The following CCDC91 variants were observed in gnomAD, a reference collection of about 807,000 sequenced individuals.
The protein encoded by CCDC91 is coiled-coil domain-containing protein 91.
A neutral mutation model predicts 63.2 loss-of-function variants in CCDC91; 48 were observed. The observed-to-expected ratio is 0.76, with a 90% confidence interval of 0.60 to 0.97. CCDC91 has a LOEUF of 0.97. Among genes scored for constraint, CCDC91 ranks in the 50% least tolerant of loss-of-function variants. The pLI is 0.00. For synonymous variants in CCDC91, 167 were observed against 165.8 expected, an observed-to-expected ratio of 1.01 and a Z score of -0.06; for missense variants, 500 against 494.6, an observed-to-expected ratio of 1.01 and a Z score of -0.10.
intron 6 of CCDC91, among the ~76,000 whole-genome samples, chr12:28,326,966 C>G (rs1294626862): frequency 6.6e-6 from 1 of 151,862 alleles, no homozygotes; most frequent in Admixed American, 6.6e-5. Context: ...TCATGAGAGC[C>G]GAAAGTCACA....
At chr12:28,284,281 G>T (rs1000351346) in intron 3 of CCDC91, among the ~76,000 whole-genome samples, 10 of 152,060 alleles carry the variant, frequency 6.6e-5, no homozygotes, top group Non-Finnish European at 1.0e-4. Context: ...TGCAAATTAG[G>T]CTTTCTGGAC....
intron 7 of CCDC91, among the ~76,000 whole-genome samples, chr12:28,380,318 T>TATA (rs1049389564): frequency 6.6e-6 from 1 of 152,038 alleles, no homozygotes; most frequent in African/African-American, 2.4e-5. Flanking sequence ...GAACTTAAAG[T>TATA]ATAATAATAA....
chr12:28,280,918 A>T (rs907912158), intron 3 of CCDC91, among the ~76,000 whole-genome samples: 2 of 151,788 alleles, frequency 1.3e-5, no homozygotes, highest in Non-Finnish European at 2.9e-5. Context: ...TGGAGACTGC[A>T]GTCAGCCATG....
intron 7 of CCDC91, 133 bp from the exon 8 acceptor site, chr12:28,391,171 T>A (rs1945916286): frequency 1.9e-6 from 1 of 533,896 alleles, no homozygotes; most frequent in Admixed American, 3.5e-5. Context: ...TGCTTCAGTA[T>A]TAACAAATAC....
intron 8 of CCDC91, among the ~76,000 whole-genome samples, chr12:28,434,820 G>A (rs1231343989): frequency 6.6e-6 from 1 of 151,202 alleles, no homozygotes; most frequent in Non-Finnish European, 1.5e-5. Flanking sequence ...ATAAGTATAG[G>A]CCTGTCCATG....
At chr12:28,264,490 T>A (rs984233066) in intron 3 of CCDC91, among the ~76,000 whole-genome samples, 1 of 151,356 alleles carries the variant, frequency 6.6e-6, no homozygotes, top group Non-Finnish European at 1.5e-5. Flanking sequence ...CAGAGACTTT[T>A]CAAAATGAAT....
chr12:28,377,759 T>C (rs1388666006), intron 7 of CCDC91, among the ~76,000 whole-genome samples: 2 of 151,976 alleles, frequency 1.3e-5, no homozygotes, highest in African/African-American at 4.8e-5. Context: ...TTCAAGATAT[T>C]GCCACTACAG....
At chr12:28,489,102 T>C (rs1213539412) in intron 12 of CCDC91, among the ~76,000 whole-genome samples, 1 of 151,946 alleles carries the variant, frequency 6.6e-6, no homozygotes, top group African/African-American at 2.4e-5. Flanking sequence ...AAGAAGAATG[T>C]TTACCAACTC....
chr12:28,311,819 G>A (rs1303471434), intron 6 of CCDC91, among the ~76,000 whole-genome samples: 5 of 151,816 alleles, frequency 3.3e-5, no homozygotes, highest in Non-Finnish European at 5.9e-5. Context: ...TTGTTACAGA[G>A]GATTGACTTT....
chr12:28,434,290 T>C (rs10400519), intron 8 of CCDC91, among the ~76,000 whole-genome samples: 6,592 of 151,798 alleles, frequency 0.043, 468 homozygotes, highest in African/African-American at 0.14. Flanking sequence ...TCTTGTTTTA[T>C]AGTTCGATAA....
At chr12:28,419,945 T>C (rs12372172) in intron 8 of CCDC91, among the ~76,000 whole-genome samples, 32,580 of 151,802 alleles carry the variant, frequency 0.21, 4,208 homozygotes, top group Non-Finnish European at 0.3. Context: ...TTTGTAGCTA[T>C]GGGTTCCTAC....
intron 6 of CCDC91, among the ~76,000 whole-genome samples, chr12:28,324,579 A>G (rs551673126): frequency 6.6e-6 from 1 of 151,902 alleles, no homozygotes; most frequent in Non-Finnish European, 1.5e-5. Context: ...CGATCATTTT[A>G]TTCTCTGGCT....
At chr12:28,437,722 T>C (rs1178712985) in intron 8 of CCDC91, among the ~76,000 whole-genome samples, 1 of 152,136 alleles carries the variant, frequency 6.6e-6, no homozygotes, top group Non-Finnish European at 1.5e-5. Flanking sequence ...CTGTGCCTCT[T>C]ATCACTGGTT....
intron 12 of CCDC91, among the ~76,000 whole-genome samples, chr12:28,522,923 C>A (rs1311730506): frequency 2.0e-5 from 3 of 151,898 alleles, no homozygotes; most frequent in South Asian, 2.1e-4. Context: ...GTTTGATTGC[C>A]CTGTGGTCTG....
chr12:28,199,413 T>C (rs568093122), intron 1 of CCDC91, among the ~76,000 whole-genome samples: 39 of 152,332 alleles, frequency 2.6e-4, no homozygotes, highest in Non-Finnish European at 4.7e-4. Context: ...ACAGTATCCA[T>C]TAACACTGAT....
At chr12:28,285,996 A>G (rs1250386356) in intron 3 of CCDC91, among the ~76,000 whole-genome samples, 2 of 151,980 alleles carry the variant, frequency 1.3e-5, no homozygotes, top group Non-Finnish European at 2.9e-5. Flanking sequence ...CTCAGTGTCT[A>G]CCCTGGAGTA....
intron 1 of CCDC91, among the ~76,000 whole-genome samples, chr12:28,251,161 G>A (rs1164709708): frequency 1.3e-5 from 2 of 152,064 alleles, no homozygotes; most frequent in Admixed American, 6.6e-5. Flanking sequence ...TGGAGATTTA[G>A]TTGAATGCTA....
At chr12:28,209,622 G>T (rs1407277361) in intron 1 of CCDC91, among the ~76,000 whole-genome samples, 1 of 151,986 alleles carries the variant, frequency 6.6e-6, no homozygotes, top group Non-Finnish European at 1.5e-5. Context: ...GTAGAGACAG[G>T]GTTTCGTCAT....
intron 3 of CCDC91, among the ~76,000 whole-genome samples, chr12:28,259,675 G>T (rs1946697341): frequency 6.6e-6 from 1 of 151,820 alleles, no homozygotes; most frequent in African/African-American, 2.4e-5. Context: ...AACATTAAAT[G>T]AAATTAAACT....
Sources: gnomAD v4.1 joint callset for allele counts (sites outside exome capture counted in the v4.1 genomes callset) on GRCh38, gnomAD v4.1.1 for gene constraint, MANE v1.5 for transcripts, NCBI Gene and HGNC (gene_info 2026-07-23, HGNC 2026-07-21) for gene names.